CNTNAP2: variants seen among roughly 807,000 people sequenced by gnomAD.
CNTNAP2 encodes contactin-associated protein-like 2.
A neutral mutation model predicts 155.2 loss-of-function variants in CNTNAP2; 98 were observed. The observed-to-expected ratio is 0.63, with a 90% CI of 0.54 to 0.75. The LOEUF is 0.75. Ranked by LOEUF, CNTNAP2 falls within the 30% of genes least tolerant of loss-of-function variation. CNTNAP2 has a pLI of 0.00. For missense variants in CNTNAP2, 1,727 were observed against 1,688.1 expected, an observed-to-expected ratio of 1.02 and a Z score of -0.40; for synonymous variants, 651 against 631.2, an observed-to-expected ratio of 1.03 and a Z score of -0.47.
At chr7:146,246,185 T>C (rs1191031802) in intron 1 of CNTNAP2, among the ~76,000 whole-genome samples, 1 of 151,484 alleles carries the variant, frequency 6.6e-6, no homozygotes, top group Admixed American at 6.6e-5. Context: ...AAGGGGTGCA[T>C]GATCGGTCGC....
intron 11 of CNTNAP2, chr7:147,497,144 C>T (rs986334657): frequency 2.6e-5 from 4 of 151,994 alleles, no homozygotes; most frequent in African/African-American, 9.7e-5. Context: ...TAGACTTAGC[C>T]AATAAAAGTG....
chr7:148,174,504 C>G (rs1473985402), intron 18 of CNTNAP2, among the ~76,000 whole-genome samples: 1 of 152,220 alleles, frequency 6.6e-6, no homozygotes, highest in Admixed American at 6.5e-5. Flanking sequence ...GAGCTCCATG[C>G]AAGGCCTTCT....
At chr7:146,520,018 A>G (rs2129137164) in intron 1 of CNTNAP2, among the ~76,000 whole-genome samples, 1 of 151,930 alleles carries the variant, frequency 6.6e-6, no homozygotes, top group African/African-American at 2.4e-5. Flanking sequence ...TAAATATACA[A>G]GCTCTTTTCT....
At chr7:146,884,446 C>A (rs924637913) in intron 3 of CNTNAP2, among the ~76,000 whole-genome samples, 2 of 151,878 alleles carry the variant, frequency 1.3e-5, no homozygotes, top group Non-Finnish European at 2.9e-5. Context: ...CTATACAGCT[C>A]CTTCTCTTCT....
At chr7:147,978,980 G>A (rs896760334) in intron 15 of CNTNAP2, among the ~76,000 whole-genome samples, 5 of 152,160 alleles carry the variant, frequency 3.3e-5, no homozygotes, top group Non-Finnish European at 7.4e-5. Flanking sequence ...AAAGCATTAT[G>A]TGAGATGGAA....
intron 11 of CNTNAP2, among the ~76,000 whole-genome samples, chr7:147,541,756 T>G (rs1799644346): frequency 6.6e-6 from 1 of 152,222 alleles, no homozygotes; most frequent in Non-Finnish European, 1.5e-5. Context: ...CCTTCTCATA[T>G]TATGTTTAAT....
chr7:147,394,954 T>A lies in CNTNAP2; in HGVS notation c.1499-655T>A, dbSNP rs1406286. 6.9e-3 allele frequency among the ~76,000 whole-genome samples: 1,040 copies of A among 150,794 alleles called. 13 individuals carry two copies. The highest frequency in any genetic ancestry group is 0.024 in the African/African-American group (955 of 40,490). ...TATATACCATATTATGGTATTTTAT[T>A]TATACCATATTAGATAGTTTGTAGA... On this transcript the variant is annotated intron_variant, in intron 9 of 23. Transcript: ENST00000361727.
chr7:147,734,390 T>C lies in CNTNAP2; in HGVS notation c.2098+95084T>C, dbSNP rs182439556. On this transcript the variant is annotated intron_variant, in intron 13 of 23. Transcript: ENST00000361727. Reference sequence around the variant, plus strand: ...CCCACTTGATCATGGTGGATAAGCTTTTTGATGTGCTGCTGGAGTCAATTT... The same window carrying C: ...CCCACTTGATCATGGTGGATAAGCTCTTTGATGTGCTGCTGGAGTCAATTT... Among the ~76,000 whole-genome samples, 330 of 152,266 alleles carry C rather than the reference T, an allele frequency of 2.2e-3. 9 individuals are homozygous for C. Among genetic ancestry groups the C allele is most frequent in the Admixed American group, 0.021 (326 of 15,294 alleles).
chr7:147,867,226 A>G (rs879807003), intron 13 of CNTNAP2, among the ~76,000 whole-genome samples: 5 of 152,140 alleles, frequency 3.3e-5, no homozygotes, highest in African/African-American at 4.8e-5. Flanking sequence ...TTGGCTGGAT[A>G]TGAAATTCTG....
At position 148,376,679 on chromosome 7, in the gene CNTNAP2, A is replaced by G. The variant is rs543357071; in HGVS notation, c.3476-6970A>G. Among the ~76,000 whole-genome samples, 2 of 68,688 alleles carry G rather than the reference A, an allele frequency of 2.9e-5. 1 individual carries two copies. The highest frequency in any genetic ancestry group is 8.6e-4 in the East Asian group (2 of 2,318). 45.1% of individuals were successfully genotyped at this position (68,688 alleles called of 152,430 possible). On this transcript the variant is annotated intron_variant, in intron 21 of 23. Coordinates refer to ENST00000361727, the MANE Select transcript of CNTNAP2 (RefSeq NM_014141.6). ...ATTTTAGTCCTGCATATTTCTTCAT[A>G]AGAGAGAAAAGCATCTAATAAATAC...
chr7:147,552,927 A>G (rs561558649), intron 11 of CNTNAP2, among the ~76,000 whole-genome samples: 23 of 152,190 alleles, frequency 1.5e-4, no homozygotes, highest in Admixed American at 1.5e-3. Flanking sequence ...CAGAAGAAAA[A>G]TGACAGTGCA....
chr7:147,598,368 T>A (rs1460391869), intron 12 of CNTNAP2, among the ~76,000 whole-genome samples: 1 of 152,108 alleles, frequency 6.6e-6, no homozygotes, highest in East Asian at 1.9e-4. Flanking sequence ...GTGTGTGATG[T>A]TCCCTTCCCT....
chr7:148,383,716 A>G lies in CNTNAP2; in HGVS notation c.3543A>G (p.Arg1181=), dbSNP rs1437062434. ...NTPGFTGCLS[R]VQFNQIAPLK... ...CAGGATTCACTGGTTGCCTCTCCAG[A>G]GTCCAGTTCAACCAGATCGCCCCTC... is the stretch of plus-strand genomic sequence containing the variant. The change falls in exon 22 of 24, where the codon AGA becomes AGG. Residue 1181 remains arginine (R), a synonymous_variant. Coordinates refer to ENST00000361727, the MANE Select transcript of CNTNAP2 (RefSeq NM_014141.6). 4 of 1,614,214 alleles carry G rather than the reference A, an allele frequency of 2.5e-6. No individual in the cohort carries two copies. In the South Asian group the frequency reaches 3.3e-5, roughly 13 times the overall value.
chr7:148,118,302 G>T lies in CNTNAP2; in HGVS notation c.2554+14G>T, dbSNP rs546437079. ...TGGAGCTGAAGTGTGAGTATAAGTTGCTTGTCAACTCATGGGGAGCCACTT... is the reference window on the plus strand; with the variant it reads ...TGGAGCTGAAGTGTGAGTATAAGTTTCTTGTCAACTCATGGGGAGCCACTT... On this transcript the variant is annotated intron_variant, in intron 16 of 23. Transcript: ENST00000361727. 35 of 1,613,952 alleles carry T rather than the reference G, an allele frequency of 2.2e-5. No individual in the cohort carries two copies. In the East Asian group the frequency reaches 6.0e-4, roughly 28 times the overall value.
rs1800091552 is a variant in CNTNAP2, at chr7:148,420,553, G to A, written c.*4937G>A. The stretch of plus-strand genomic sequence containing the variant: ...CACGCATTTACAAGTTTATTTTCCA[G>A]ATAAAATTGTGCTATAAGAACAGCT... On this transcript the variant is annotated 3_prime_UTR_variant, in exon 24 of 24. Transcript: ENST00000361727. The A allele has an allele frequency of 6.6e-6, 1 of 152,180 alleles. No homozygotes were observed. Among genetic ancestry groups the A allele is most frequent in the Admixed American group, 6.5e-5 (1 of 15,274 alleles). The allele number at this position is 152,180 out of a possible 1,614,324, so 9.4% of individuals were successfully genotyped here. A position where few individuals can be genotyped will look rare whatever the true frequency, so the allele number is the denominator to read the frequency against.
intron 15 of CNTNAP2, among the ~76,000 whole-genome samples, chr7:148,101,350 AGT>A (rs4015917): frequency 0.06 from 8,582 of 144,232 alleles, 281 homozygotes; most frequent in African/African-American, 0.079. Flanking sequence ...TAAAAAGTTC[AGT>A]GTGTGTGTGT....
chr7:147,721,145 C>A lies in CNTNAP2; in HGVS notation c.2098+81839C>A, dbSNP rs541624346. Among the ~76,000 whole-genome samples the A allele has an allele frequency of 4.6e-5, 7 of 152,122 alleles. No homozygotes were observed. In the East Asian group the frequency reaches 1.2e-3, roughly 25 times the overall value. Reference sequence around the variant, plus strand: ...CTAGGGAATTAGGTGGGCAGGCATACCTAATCTGTAATTGAGTTGGTACTA... The same window carrying A: ...CTAGGGAATTAGGTGGGCAGGCATAACTAATCTGTAATTGAGTTGGTACTA... On this transcript the variant is annotated intron_variant, in intron 13 of 23. Transcript: ENST00000361727.
At chr7:146,741,812 T>C (rs1049904489) in intron 1 of CNTNAP2, among the ~76,000 whole-genome samples, 1 of 151,974 alleles carries the variant, frequency 6.6e-6, no homozygotes, top group Non-Finnish European at 1.5e-5. Flanking sequence ...TAGTAGGAAA[T>C]AAGAATACAT....
chr7:146,480,767 C>T (rs1397827674), intron 1 of CNTNAP2, among the ~76,000 whole-genome samples: 3 of 149,138 alleles, frequency 2.0e-5, no homozygotes, highest in East Asian at 2.0e-4. Context: ...CGGCTCACCT[C>T]CGCCTCCCGG....
Sources: gnomAD v4.1 joint callset for allele counts (sites outside exome capture counted in the v4.1 genomes callset) on GRCh38, gnomAD v4.1.1 for gene constraint, MANE v1.5 for transcripts, NCBI Gene and HGNC (gene_info 2026-07-23, HGNC 2026-07-21) for gene names.